Variants in KIFC1 observed in about 807,000 individuals in gnomAD.
KIFC1 encodes the protein kinesin family member C1.
In KIFC1, 37 loss-of-function variants were observed where a neutral mutation model predicts 66.6. The ratio of observed to expected loss-of-function variants is 0.56; its 90% confidence interval spans 0.43 to 0.73. The LOEUF is 0.73. Among genes scored for constraint, KIFC1 ranks in the 30% least tolerant of loss-of-function variants. KIFC1 has a pLI of 0.00. For missense variants in KIFC1, 721 were observed against 859.8 expected (o/e 0.84, Z 2.02); for synonymous variants, 325 against 343.5 (o/e 0.95, Z 0.60).
At chr6:33,396,059 C>G (rs919985739) in intron 1 of KIFC1, among the ~76,000 whole-genome samples, 1 of 152,166 alleles carries the variant, frequency 6.6e-6, no homozygotes, top group Non-Finnish European at 1.5e-5. Flanking sequence ...CAGATGAATT[C>G]TTATGGTGCT....
intron 1 of KIFC1, among the ~76,000 whole-genome samples, chr6:33,393,620 T>C (rs1208221806): frequency 6.6e-6 from 1 of 151,514 alleles, no homozygotes; most frequent in Non-Finnish European, 1.5e-5. Context: ...TTTTGTATTT[T>C]TAATAGAGAC....
upstream of KIFC1, chr6:33,391,583 C>T (rs1179932251): frequency 7.4e-6 from 2 of 269,080 alleles, no homozygotes; most frequent in Admixed American, 5.2e-5. Context: ...CGGCGGGGAG[C>T]CGAGCGGAAG....
chr6:33,405,285 C>T lies in KIFC1; in HGVS notation c.1190C>T (p.Ser397Leu). ...VFEEIAMLVQ[S>L]ALDGYPVCIF... The stretch of plus-strand genomic sequence containing the variant: ...GAAGAGATTGCCATGCTTGTCCAGT[C>T]AGCCCTGGATGGCTATCCAGTATGC... The change falls in exon 7 of 11, where the codon TCA becomes TTA. Residue 397 changes from serine (S) to leucine (L), a missense_variant. Ser to Leu is a moderately radical substitution (Grantham distance 145). Transcript: ENST00000428849. This position sits in a 1 kb window ranked among gnomAD's most constrained non-coding sequence, Gnocchi z 5.4. The T allele has an allele frequency of 6.2e-7, 1 of 1,614,192 alleles. No individual in the cohort carries two copies. The highest frequency in any genetic ancestry group is 8.5e-7 in the Non-Finnish European group (1 of 1,180,032).
In KIFC1 at chr6:33,401,520, T is replaced by G. The variant is rs1007641490; in HGVS notation, c.251-1794T>G. 6.6e-6 allele frequency among the ~76,000 whole-genome samples: 1 copy of G among 152,174 alleles called. No individual in the cohort carries two copies. Among genetic ancestry groups the G allele is most frequent in the Non-Finnish European group, 1.5e-5 (1 of 68,028 alleles). On this transcript the variant is annotated intron_variant, in intron 3 of 10. Coordinates refer to ENST00000428849, the MANE Select transcript of KIFC1 (RefSeq NM_002263.4). The surrounding 1 kb of genome is among the most constrained non-coding windows in gnomAD (Gnocchi z 4.5). ...AATTTGAAAAATTTTAAATATTATTTTGCTTTTCAAACTTTTTGTTAAAAA... is the reference window on the plus strand; with the variant it reads ...AATTTGAAAAATTTTAAATATTATTGTGCTTTTCAAACTTTTTGTTAAAAA...
intron 10 of KIFC1, chr6:33,407,187 T>C (rs913017982): frequency 4.3e-6 from 3 of 691,580 alleles, no homozygotes; most frequent in South Asian, 2.6e-5. Context: ...GGCAGGAGGA[T>C]TGCTTGAGCC....
rs1775331186 is a variant in KIFC1 at position 33,400,742 on chromosome 6, G to T, written c.250+2355G>T. Among the ~76,000 whole-genome samples the T allele has an allele frequency of 6.6e-6, 1 of 152,110 alleles. No individual in the cohort carries two copies. The highest frequency in any genetic ancestry group is 1.5e-5 in the Non-Finnish European group (1 of 68,014). On this transcript the variant is annotated intron_variant, in intron 3 of 10. Transcript: ENST00000428849. This position sits in a 1 kb window ranked among gnomAD's most constrained non-coding sequence, Gnocchi z 4.3. ...GCTCACTGCAAGCTCCGCCTCCCGG[G>T]TTCCCGCCATTTTCCTGCCTCAGCC...
chr6:33,392,677 CA>C (rs1408191090), intron 1 of KIFC1, among the ~76,000 whole-genome samples: 1 of 25,526 alleles, frequency 3.9e-5, no homozygotes, highest in African/African-American at 2.9e-4. Context: ...TCTCTGGTGC[CA>C]GGAAAGGTCT....
Position 33,402,307 on chromosome 6 carries a change from T to C in KIFC1, c.251-1007T>C, listed in dbSNP as rs568271586. 1.2e-3 allele frequency among the ~76,000 whole-genome samples: 183 copies of C among 152,334 alleles called. 2 individuals carry two copies. Among genetic ancestry groups the C allele is most frequent in the African/African-American group, 4.2e-3 (173 of 41,568 alleles). ...ATAGGAATTTTTAGCTCCATTATAA[T>C]GTTACGGGGCTACTGTTGTATATGC... On this transcript the variant is annotated intron_variant, in intron 3 of 10. Coordinates refer to ENST00000428849, the MANE Select transcript of KIFC1 (RefSeq NM_002263.4).
chr6:33,409,535 T>C, intron 10 of KIFC1, 111 bp from the exon 11 acceptor site: 2 of 1,082,774 alleles, frequency 1.8e-6, no homozygotes, highest in Non-Finnish European at 2.9e-6. Context: ...TTGGAGGCCT[T>C]ATTTCGGTAT....
At chr6:33,407,286 G>A (rs1006829010) in intron 10 of KIFC1, among the ~76,000 whole-genome samples, 25 of 152,176 alleles carry the variant, frequency 1.6e-4, no homozygotes, top group African/African-American at 5.8e-4. Flanking sequence ...GCTCACACCT[G>A]TAGTTCCAGC....
Position 33,409,253 on chromosome 6 carries a change from G to A in KIFC1, c.1978-393G>A, listed in dbSNP as rs1039310749. The stretch of plus-strand genomic sequence containing the variant: ...CTAGTAGTCTTTTCAGATTCAACTT[G>A]TACATTTCCTTCCCCAGACTTCAAC... On this transcript the variant is annotated intron_variant, in intron 10 of 10. Coordinates refer to ENST00000428849, the MANE Select transcript of KIFC1 (RefSeq NM_002263.4). Among the ~76,000 whole-genome samples, 6 of 152,160 alleles carry A rather than the reference G, an allele frequency of 3.9e-5. No individual in the cohort carries two copies. In the East Asian group the frequency reaches 9.6e-4, roughly 24 times the overall value.
intron 1 of KIFC1, among the ~76,000 whole-genome samples, chr6:33,394,811 G>A (rs1774955461): frequency 6.6e-6 from 1 of 152,230 alleles, no homozygotes; most frequent in African/African-American, 2.4e-5. Context: ...ATGCAGTTCA[G>A]TATAGGTGCA....
At position 33,403,262 on chromosome 6, in the gene KIFC1, G is replaced by A; in HGVS notation, c.251-52G>A. ...TGCCCCTGTCCTAGCAAGTGTACAT[G>A]CCATCTTAAGAATGATCATTCTACC... On this transcript the variant is annotated intron_variant, in intron 3 of 10. Transcript: ENST00000428849. This position sits in a 1 kb window ranked among gnomAD's most constrained non-coding sequence, Gnocchi z 4.6. 5 of 1,504,420 alleles carry A rather than the reference G, an allele frequency of 3.3e-6. No individual in the cohort carries two copies. The highest frequency in any genetic ancestry group is 4.6e-6 in the Non-Finnish European group (5 of 1,081,898). 93.2% of individuals were successfully genotyped at this position (1,504,420 alleles called of 1,614,324 possible). A position where few individuals can be genotyped will look rare whatever the true frequency, so the allele number is the denominator to read the frequency against.
chr6:33,406,152 C>G lies in KIFC1; in HGVS notation c.1537-44C>G. 1 of 1,548,166 alleles carries G rather than the reference C, an allele frequency of 6.5e-7. No individual in the cohort carries two copies. The highest frequency in any genetic ancestry group is 8.8e-7 in the Non-Finnish European group (1 of 1,139,704). Reference sequence around the variant, plus strand: ...TCATTTCCATACATATTACTATGTACTGACTTCTGCCTGCCTTTTTGCCCC... The same window carrying G: ...TCATTTCCATACATATTACTATGTAGTGACTTCTGCCTGCCTTTTTGCCCC... On this transcript the variant is annotated intron_variant, in intron 7 of 10. Transcript: ENST00000428849. This position sits in a 1 kb window ranked among gnomAD's most constrained non-coding sequence, Gnocchi z 4.5.
chr6:33,400,250 T>G lies in KIFC1; in HGVS notation c.250+1863T>G. The G allele has an allele frequency of 5.1e-6, 8 of 1,564,960 alleles. No homozygotes were observed. The highest frequency in any genetic ancestry group is 7.0e-6 in the Non-Finnish European group (8 of 1,150,728). Reference sequence around the variant, plus strand: ...TTGACGATCTCATCAAAAGTGATATTCCCATTGTGTTTAATGTTTTTCTGT... The same window carrying G: ...TTGACGATCTCATCAAAAGTGATATGCCCATTGTGTTTAATGTTTTTCTGT... On this transcript the variant is annotated intron_variant, in intron 3 of 10. Coordinates refer to ENST00000428849, the MANE Select transcript of KIFC1 (RefSeq NM_002263.4). This position sits in a 1 kb window ranked among gnomAD's most constrained non-coding sequence, Gnocchi z 4.3.
Position 33,401,896 on chromosome 6 carries a change from G to A in KIFC1, c.251-1418G>A, listed in dbSNP as rs1229192476. Among the ~76,000 whole-genome samples, 1 of 151,932 alleles carries A rather than the reference G, an allele frequency of 6.6e-6. No individual in the cohort carries two copies. Among genetic ancestry groups the A allele is most frequent in the Non-Finnish European group, 1.5e-5 (1 of 67,982 alleles). On this transcript the variant is annotated intron_variant, in intron 3 of 10. Transcript: ENST00000428849. The surrounding 1 kb of genome is among the most constrained non-coding windows in gnomAD (Gnocchi z 4.5). ...TTGTTTTTGTATTTTTAGGAGAGAC[G>A]GGGTTTCACCGTGTTAGCCAGGATG... is the stretch of plus-strand genomic sequence containing the variant.
chr6:33,405,685 C>A lies in KIFC1; in HGVS notation c.1536+54C>A, dbSNP rs914017480. On this transcript the variant is annotated intron_variant, in intron 7 of 10. Coordinates refer to ENST00000428849, the MANE Select transcript of KIFC1 (RefSeq NM_002263.4). This position sits in a 1 kb window ranked among gnomAD's most constrained non-coding sequence, Gnocchi z 5.4. ...AAATGGGGAGGAGTGGGCAGGGTGC[C>A]ACGAGATGGAGGTAGAGGGAGAAAG... The A allele has an allele frequency of 5.5e-5, 78 of 1,426,532 alleles. No homozygotes were observed. Among genetic ancestry groups the A allele is most frequent in the Non-Finnish European group, 6.9e-5 (75 of 1,084,284 alleles). 88.4% of individuals were successfully genotyped at this position (1,426,532 alleles called of 1,614,324 possible). A position where few individuals can be genotyped will look rare whatever the true frequency, so the allele number is the denominator to read the frequency against.
At position 33,409,751 on chromosome 6, in the gene KIFC1, G is replaced by GTGTGTGTGTGTC. The variant is rs1775851100; in HGVS notation, c.*64_*65insGTGTGTGTCTGT. ...TGTGTGTGTGTGTGTGTGTGTGTGT[G>GTGTGTGTGTGTC]TGTCCCTATGTCTATGTATCGGGTG... is the stretch of plus-strand genomic sequence containing the variant. On this transcript the variant is annotated 3_prime_UTR_variant, in exon 11 of 11. Coordinates refer to ENST00000428849, the MANE Select transcript of KIFC1 (RefSeq NM_002263.4). 8.1e-7 allele frequency: 1 copy of GTGTGTGTGTGTC among 1,235,484 alleles called. No homozygotes were observed. The highest frequency in any genetic ancestry group is 1.1e-6 in the Non-Finnish European group (1 of 880,984). 76.5% of individuals were successfully genotyped at this position (1,235,484 alleles called of 1,614,324 possible).
chr6:33,402,892 C>T (rs749214679), intron 3 of KIFC1, among the ~76,000 whole-genome samples: 8 of 152,120 alleles, frequency 5.3e-5, no homozygotes, highest in East Asian at 1.9e-4. Flanking sequence ...GAGGCTGAGG[C>T]GGGAGAATCG....
Sources: gnomAD v4.1 joint callset for allele counts (sites outside exome capture counted in the v4.1 genomes callset) on GRCh38, gnomAD v4.1.1 for gene constraint, Gnocchi (gnomAD v3.1) non-coding constraint, MANE v1.5 for transcripts, NCBI Gene and HGNC (gene_info 2026-07-23, HGNC 2026-07-21) for gene names.